Variants in DNAAF10 observed in about 807,000 individuals in gnomAD.
DNAAF10 encodes the protein dynein axonemal assembly factor 10.
Under a neutral mutation model 43.7 loss-of-function variants are expected in DNAAF10, and 28 were observed. The ratio of observed to expected loss-of-function variants is 0.64; its 90% CI spans 0.48 to 0.88. DNAAF10 has a LOEUF of 0.88. Ranked by LOEUF, DNAAF10 falls within the 40% of genes least tolerant of loss-of-function variation. The probability of loss-of-function intolerance (pLI) is 0.00; values close to 1 mark genes in which losing one functional copy is unlikely to be tolerated. For missense variants in DNAAF10, 403 were observed against 439.1 expected, an observed-to-expected ratio of 0.92 and a Z score of 0.73; for synonymous variants, 156 against 157.3, an observed-to-expected ratio of 0.99 and a Z score of 0.06.
intron 1 of DNAAF10, among the ~76,000 whole-genome samples, chr2:68,153,307 G>A: frequency 7.2e-6 from 1 of 139,226 alleles, no homozygotes; most frequent in African/African-American, 2.7e-5. Context: ...TTTCTTCTTA[G>A]ATGCACGGGC....
chr2:68,147,623 TC>T, intron 1 of DNAAF10, 56 bp from the exon 2 acceptor site: 19 of 1,240,738 alleles, frequency 1.5e-5, no homozygotes, highest in Non-Finnish European at 1.9e-5. Context: ...ATATTTATAA[TC>T]TATTAATATC....
rs776150326 is a variant in DNAAF10, at chr2:68,131,417, C to A, written c.895G>T (p.Asp299Tyr). 2.5e-6 allele frequency: 4 copies of A among 1,614,070 alleles called. No individual in the cohort carries two copies. The highest frequency in any genetic ancestry group is 2.5e-6 in the Non-Finnish European group (3 of 1,179,982). The change falls in exon 8 of 8, where the codon GAT (aspartate) becomes TAT (tyrosine). Residue 299 changes from aspartate to tyrosine, a missense_variant. Physicochemically the swap from Asp to Tyr is radical, Grantham distance 160. Coordinates refer to ENST00000295121, the MANE Select transcript of DNAAF10 (RefSeq NM_138458.4). ...YEYPIQRSKK[D>Y]SEGIEMGVAG... is the part of the protein sequence containing the mutation. ...ACTCCCATTTCTATTCCCTCAGAAT[C>A]TTTCTTTGACCGCTGAATAGGGTAT...
chr2:68,134,041 T>C, intron 7 of DNAAF10: 1 of 759,116 alleles, frequency 1.3e-6, no homozygotes, highest in Non-Finnish European at 1.6e-6. Flanking sequence ...CCCCTCCAAG[T>C]ACATATTGCT....
rs369134249 is a variant in DNAAF10 at position 68,131,301 on chromosome 2, G to A, written c.1011C>T (p.Cys337=). ...CCGTTTGGTCAAATGAACTACAGACGCAGAGACCCCTTTTATCTGGACTCC... is the reference window on the plus strand; with the variant it reads ...CCGTTTGGTCAAATGAACTACAGACACAGAGACCCCTTTTATCTGGACTCC... ...LDWSPDKRGL[C]VCSSFDQTVR... The change falls in exon 8 of 8, where the codon TGC becomes TGT. Residue 337 remains cysteine, a synonymous_variant. Coordinates refer to ENST00000295121, the MANE Select transcript of DNAAF10 (RefSeq NM_138458.4). The A allele has an allele frequency of 3.5e-5, 57 of 1,613,966 alleles. No individual in the cohort carries two copies. Among genetic ancestry groups the A allele is most frequent in the Non-Finnish European group, 4.6e-5 (54 of 1,180,012 alleles).
chr2:68,135,410 G>A (rs1467462251), intron 6 of DNAAF10, among the ~76,000 whole-genome samples: 1 of 152,162 alleles, frequency 6.6e-6, no homozygotes, highest in Non-Finnish European at 1.5e-5. Context: ...ATAAGCTAAG[G>A]TCTTTATCAT....
chr2:68,137,063 A>G (rs935411494), intron 6 of DNAAF10, among the ~76,000 whole-genome samples: 1 of 152,196 alleles, frequency 6.6e-6, no homozygotes, highest in Non-Finnish European at 1.5e-5. Context: ...AATTGCTCCT[A>G]AACTACAAAA....
intron 3 of DNAAF10, among the ~76,000 whole-genome samples, chr2:68,143,087 A>G (rs765979633): frequency 7.2e-5 from 11 of 151,996 alleles, no homozygotes; most frequent in South Asian, 6.2e-4. Context: ...ATGTTGCCCA[A>G]GCTGGTTTCA....
rs998813098 is a variant in DNAAF10, at chr2:68,141,901, T to C, written c.416-106A>G. 14 of 881,034 alleles carry C rather than the reference T, an allele frequency of 1.6e-5. No individual in the cohort carries two copies. The East Asian group carries it at 2.2e-4, about 14-fold the overall frequency. 54.6% of individuals were successfully genotyped at this position (881,034 alleles called of 1,614,324 possible). On this transcript the variant is annotated intron_variant, in intron 3 of 7. Coordinates refer to ENST00000295121, the MANE Select transcript of DNAAF10 (RefSeq NM_138458.4). ...CCTGTGTACATGGCAATATGACAGA[T>C]GTTATGACATCTGAAAATATCCACA...
In DNAAF10 at chr2:68,147,448, ACT is replaced by A. The variant is rs1484418801; in HGVS notation, c.284+17_284+18del. ...AATTGCCTATCTCATCTGTCTGAAT[ACT>A]GACTAAATCATCTTACCATATATGA... On this transcript the variant is annotated intron_variant, in intron 2 of 7. Transcript: ENST00000295121. 4.4e-6 allele frequency: 7 copies of A among 1,581,220 alleles called. No individual in the cohort carries two copies. The highest frequency in any genetic ancestry group is 6.1e-6 in the Non-Finnish European group (7 of 1,152,382).
intron 5 of DNAAF10, among the ~76,000 whole-genome samples, 200 bp from the exon 6 acceptor site, chr2:68,137,633 C>A (rs1036494667): frequency 2.6e-5 from 4 of 152,146 alleles, no homozygotes; most frequent in African/African-American, 9.7e-5. Flanking sequence ...CTTTGGGAGG[C>A]CAAGGCAGGT....
Position 68,138,739 on chromosome 2 carries a change from T to G in DNAAF10, c.633+3A>C. On this transcript the variant is annotated splice_donor_region_variant and intron_variant, in intron 5 of 7. Coordinates refer to ENST00000295121, the MANE Select transcript of DNAAF10 (RefSeq NM_138458.4). Reference sequence around the variant, plus strand: ...AACCAAAAAGCCTCAGAATGTACTTTACCCCATTTTTGATGTTTGTCTCCC... The same window carrying G: ...AACCAAAAAGCCTCAGAATGTACTTGACCCCATTTTTGATGTTTGTCTCCC... 1 of 1,605,118 alleles carries G rather than the reference T, an allele frequency of 6.2e-7. No individual in the cohort carries two copies. Among genetic ancestry groups the G allele is most frequent in the Non-Finnish European group, 8.5e-7 (1 of 1,171,756 alleles).
At chr2:68,156,554 T>C (rs1029045042) in intron 1 of DNAAF10, among the ~76,000 whole-genome samples, 1 of 152,244 alleles carries the variant, frequency 6.6e-6, no homozygotes, top group African/African-American at 2.4e-5. Flanking sequence ...GCTTAAATCC[T>C]TTCAGTTGTG....
chr2:68,144,046 C>T (rs1225094218), intron 3 of DNAAF10, among the ~76,000 whole-genome samples: 1 of 152,156 alleles, frequency 6.6e-6, no homozygotes, highest in Non-Finnish European at 1.5e-5. Context: ...ATTTCTGACT[C>T]TATTAAAGTC....
chr2:68,151,537 GA>G (rs1443140311), intron 1 of DNAAF10, among the ~76,000 whole-genome samples: 1 of 152,088 alleles, frequency 6.6e-6, no homozygotes, highest in East Asian at 1.9e-4. Context: ...CCCCTTTCTA[GA>G]ATGTGAGCAC....
At chr2:68,139,330 C>A (rs1390418004) in intron 4 of DNAAF10, among the ~76,000 whole-genome samples, 5 of 152,180 alleles carry the variant, frequency 3.3e-5, no homozygotes, top group Admixed American at 6.5e-5. Flanking sequence ...CTGCCATGAG[C>A]AGACAATTCC....
intron 5 of DNAAF10, among the ~76,000 whole-genome samples, chr2:68,138,318 A>G (rs996461147): frequency 6.6e-6 from 1 of 152,246 alleles, no homozygotes; most frequent in Non-Finnish European, 1.5e-5. Context: ...ACAGTTAAGT[A>G]AAGGCTAACA....
chr2:68,147,417 C>G, intron 2 of DNAAF10, 50 bp downstream of exon 2: 1 of 1,342,444 alleles, frequency 7.4e-7, no homozygotes, highest in Non-Finnish European at 1.1e-6. Context: ...ATGAAACTAT[C>G]AAATAAATTG....
intron 7 of DNAAF10, 181 bp downstream of exon 7, chr2:68,134,521 T>C: frequency 6.9e-7 from 1 of 1,443,198 alleles, no homozygotes; most frequent in Non-Finnish European, 9.1e-7. Context: ...TACACTCTAC[T>C]AAGTGTAAAG....
chr2:68,147,443 T>C, intron 2 of DNAAF10, 24 bp downstream of exon 2: 2 of 1,570,474 alleles, frequency 1.3e-6, no homozygotes, highest in Non-Finnish European at 1.8e-6. Flanking sequence ...CTCATCTGTC[T>C]GAATACTGAC....
Sources: gnomAD v4.1 joint callset for allele counts (sites outside exome capture counted in the v4.1 genomes callset) on GRCh38, gnomAD v4.1.1 for gene constraint, MANE v1.5 for transcripts, NCBI Gene and HGNC (gene_info 2026-07-23, HGNC 2026-07-21) for gene names.